Variants in VIT observed in about 807,000 individuals in gnomAD.
VIT encodes the protein vitrin.
In VIT, 99 loss-of-function variants were observed where a neutral mutation model predicts 78.0. The observed-to-expected ratio is 1.27, with a 90% CI of 1.08 to 1.50. VIT has a LOEUF of 1.50. VIT is among the 40% of genes most tolerant of loss of function. The pLI, the probability that VIT is intolerant of heterozygous loss-of-function variation, is 0.00. For missense variants in VIT, 1,126 were observed against 875.3 expected (o/e 1.29, Z -3.61); for synonymous variants, 374 against 334.3 (o/e 1.12, Z -1.29).
intron 1 of VIT, among the ~76,000 whole-genome samples, chr2:36,708,933 T>C (rs1057143236): frequency 2.6e-5 from 4 of 152,190 alleles, no homozygotes; most frequent in Non-Finnish European, 4.4e-5. Flanking sequence ...GCAGATCACC[T>C]GAAGTCAGAA....
chr2:36,716,469 T>G (rs1326709876), intron 2 of VIT, 47 bp downstream of exon 2: 2 of 1,589,674 alleles, frequency 1.3e-6, no homozygotes, highest in African/African-American at 2.7e-5. Context: ...AAAATTTTCC[T>G]AAGATCCAAA....
rs182702295 is a variant in VIT, at chr2:36,763,824, A to G, written c.488-3270A>G. On this transcript the variant is annotated intron_variant, in intron 6 of 15. Transcript: ENST00000379242. Reference sequence around the variant, plus strand: ...GGCTGGTCTCAAACTCCTGACCTCAAGTGATCCACCCATCTCGGCCCCCGC... The same window carrying G: ...GGCTGGTCTCAAACTCCTGACCTCAGGTGATCCACCCATCTCGGCCCCCGC... Among the ~76,000 whole-genome samples the G allele has an allele frequency of 3.6e-3, 543 of 152,168 alleles. 2 individuals are homozygous for G. Among genetic ancestry groups the G allele is most frequent in the Non-Finnish European group, 5.8e-3 (392 of 67,998 alleles).
Position 36,803,558 on chromosome 2 carries a change from G to A in VIT, c.1163-1880G>A, listed in dbSNP as rs549697699. On this transcript the variant is annotated intron_variant, in intron 13 of 15. Coordinates refer to ENST00000379242, the MANE Select transcript of VIT (RefSeq NM_053276.4). ...GACTTCCGGGTGCTTTGTGCTTTGG[G>A]AAAAATTGTCCATTGGCTATAAAAG... Among the ~76,000 whole-genome samples the A allele has an allele frequency of 3.9e-5, 6 of 152,268 alleles. No homozygotes were observed. In the South Asian group the frequency reaches 1.2e-3, roughly 32 times the overall value.
At chr2:36,711,857 A>G (rs1291416527) in intron 1 of VIT, among the ~76,000 whole-genome samples, 1 of 152,242 alleles carries the variant, frequency 6.6e-6, no homozygotes, top group African/African-American at 2.4e-5. Context: ...ACACTAATGT[A>G]TACTCTTTTT....
intron 2 of VIT, among the ~76,000 whole-genome samples, chr2:36,721,972 G>A (rs1666542056): frequency 6.6e-6 from 1 of 152,182 alleles, no homozygotes; most frequent in South Asian, 2.1e-4. Context: ...CGTGCTCAGT[G>A]TTGTATCTCT....
chr2:36,759,570 T>C (rs1668982078), intron 6 of VIT: 1 of 1,047,604 alleles, frequency 9.5e-7, no homozygotes, highest in Non-Finnish European at 1.2e-6. Flanking sequence ...GCCAAGAAAA[T>C]ACCTTTTTCC....
intron 9 of VIT, among the ~76,000 whole-genome samples, chr2:36,780,562 T>C (rs1664677775): frequency 6.6e-6 from 1 of 152,194 alleles, no homozygotes; most frequent in Admixed American, 6.5e-5. Context: ...ACAAAGGGTA[T>C]GTGACTAGCT....
At chr2:36,697,795 C>G (rs779691212) in intron 1 of VIT, among the ~76,000 whole-genome samples, 80 of 152,220 alleles carry the variant, frequency 5.3e-4, no homozygotes, top group Non-Finnish European at 2.8e-4. Flanking sequence ...TAAAAATTTT[C>G]TTTGGACTTA....
At chr2:36,719,255 A>T (rs1666345612) in intron 2 of VIT, among the ~76,000 whole-genome samples, 1 of 152,242 alleles carries the variant, frequency 6.6e-6, no homozygotes, top group Admixed American at 6.5e-5. Flanking sequence ...AAAACCTAAA[A>T]GCTTTTCCTC....
intron 1 of VIT, among the ~76,000 whole-genome samples, chr2:36,698,957 G>T (rs546567723): frequency 1.4e-5 from 2 of 147,022 alleles, no homozygotes; most frequent in African/African-American, 5.0e-5. Context: ...AAAAAGAAAA[G>T]AAAAGAAAAG....
At chr2:36,721,907 T>C (rs189742957) in intron 2 of VIT, among the ~76,000 whole-genome samples, 2 of 152,314 alleles carry the variant, frequency 1.3e-5, no homozygotes, top group Admixed American at 1.3e-4. Context: ...ATATTGACCT[T>C]GTCATTTTTC....
At chr2:36,740,456 T>G (rs1667769849) in intron 3 of VIT, among the ~76,000 whole-genome samples, 1 of 152,248 alleles carries the variant, frequency 6.6e-6, no homozygotes, top group South Asian at 2.1e-4. Flanking sequence ...TTTAATAATT[T>G]TGGCAATCAC....
chr2:36,787,042 C>A, intron 11 of VIT, 87 bp from the exon 12 acceptor site: 1 of 1,512,946 alleles, frequency 6.6e-7, no homozygotes. Context: ...TCTCAGGGGG[C>A]TCTGATGGAG....
At chr2:36,698,812 C>T (rs1318417761) in intron 1 of VIT, among the ~76,000 whole-genome samples, 3 of 151,852 alleles carry the variant, frequency 2.0e-5, no homozygotes, top group Admixed American at 1.3e-4. Context: ...GGCATGATGG[C>T]GGGTGCCTGT....
intron 14 of VIT, among the ~76,000 whole-genome samples, chr2:36,807,181 T>C (rs1196443072): frequency 6.6e-6 from 1 of 152,178 alleles, no homozygotes; most frequent in African/African-American, 2.4e-5. Context: ...CCAGGTTAGT[T>C]TAGATTTCAC....
chr2:36,736,900 C>T (rs916546566), intron 3 of VIT, among the ~76,000 whole-genome samples: 1 of 152,172 alleles, frequency 6.6e-6, no homozygotes, highest in African/African-American at 2.4e-5. Flanking sequence ...AATCTGAAGT[C>T]AAACCATTGT....
Position 36,716,389 on chromosome 2 carries a change from A to G in VIT, c.19A>G (p.Thr7Ala), listed in dbSNP as rs1286528241. ...GATATTTATGAGGACTGTTGTTCTC[A>G]CTATGAAGGCATCTGTTATTGAAAT... MRTVVL[T>A]MKASVIEMFL... Residue 7 changes from threonine (T) to alanine (A), a missense_variant, in exon 2 of 16, where the codon ACT becomes GCT. Thr to Ala is a moderately conservative substitution (Grantham distance 58, BLOSUM62 0). Coordinates refer to ENST00000379242, the MANE Select transcript of VIT (RefSeq NM_053276.4). The G allele has an allele frequency of 1.2e-6, 2 of 1,613,876 alleles. No homozygotes were observed. The highest frequency in any genetic ancestry group is 1.7e-5 in the Admixed American group (1 of 60,006).
intron 10 of VIT, among the ~76,000 whole-genome samples, chr2:36,782,668 A>C (rs1664840599): frequency 6.6e-6 from 1 of 152,182 alleles, no homozygotes; most frequent in African/African-American, 2.4e-5. Context: ...TATATTTATG[A>C]ACTTGGCTCC....
In VIT at chr2:36,801,363, C is replaced by T. The variant is rs1666310997; in HGVS notation, c.1121C>T (p.Ala374Val). 1.2e-6 allele frequency: 2 copies of T among 1,613,994 alleles called. No individual in the cohort carries two copies. Among genetic ancestry groups the T allele is most frequent in the East Asian group, 4.5e-5 (2 of 44,878 alleles). Reference sequence around the variant, plus strand: ...ACGAATTCTCGAGATCTGAAGACAGCCATAGAGAAAATTACTCAGAGAGGA... The same window carrying T: ...ACGAATTCTCGAGATCTGAAGACAGTCATAGAGAAAATTACTCAGAGAGGA... Reference protein sequence around the residue: ...THTNSRDLKTAIEKITQRGGL... With the variant: ...THTNSRDLKTVIEKITQRGGL... Residue 374 changes from alanine to valine, a missense_variant, in exon 13 of 16, where the codon GCC (alanine) becomes GTC (valine). By Grantham distance (64) the Ala-to-Val change is moderately conservative (BLOSUM62 0). Coordinates refer to ENST00000379242, the MANE Select transcript of VIT (RefSeq NM_053276.4).
Sources: allele counts gnomAD v4.1 joint callset (sites outside exome capture counted in the v4.1 genomes callset), GRCh38; gene constraint gnomAD v4.1.1; transcripts MANE v1.5; gene names NCBI Gene and HGNC (gene_info 2026-07-23, HGNC 2026-07-21).